SRGAP2C: variants seen among roughly 807,000 people sequenced by gnomAD.
The protein encoded by SRGAP2C is SLIT-ROBO Rho GTPase activating protein 2C.
A neutral mutation model predicts 25.1 loss-of-function variants in SRGAP2C; 15 were observed. That is an observed-to-expected ratio of 0.60 (90% CI 0.40 to 0.92). SRGAP2C has a LOEUF of 0.92. SRGAP2C is among the 40% of genes least tolerant of loss of function. SRGAP2C has a pLI of 0.00. For synonymous variants in SRGAP2C, 44 were observed against 96.6 expected, an observed-to-expected ratio of 0.46 and a Z score of 3.19; for missense variants, 144 against 264.4, an observed-to-expected ratio of 0.54 and a Z score of 3.16.
At chr1:121,222,472 T>C (rs757263343) in intron 2 of SRGAP2C, among the ~76,000 whole-genome samples, 7 of 151,906 alleles carry the variant, frequency 4.6e-5, no homozygotes, top group Non-Finnish European at 1.0e-4. Flanking sequence ...CTACAGATAA[T>C]TTAAAAATTA....
At chr1:121,186,645 C>A (rs1321995866) in intron 1 of SRGAP2C, among the ~76,000 whole-genome samples, 1 of 151,636 alleles carries the variant, frequency 6.6e-6, no homozygotes, top group African/African-American at 2.4e-5. Flanking sequence ...GCATTCCCCG[C>A]CCGGTGCCCC....
intron 3 of SRGAP2C, among the ~76,000 whole-genome samples, chr1:121,308,397 G>A (rs1322554630): frequency 4.6e-5 from 7 of 151,306 alleles, no homozygotes; most frequent in East Asian, 1.9e-4. Context: ...TGATTCTTTC[G>A]TTTAAAGTCT....
intron 3 of SRGAP2C, among the ~76,000 whole-genome samples, chr1:121,303,362 T>A (rs1657742164): frequency 6.9e-6 from 1 of 144,816 alleles, no homozygotes; most frequent in Non-Finnish European, 1.5e-5. Flanking sequence ...ATTTTAATGT[T>A]CATATTGTTC....
intron 3 of SRGAP2C, among the ~76,000 whole-genome samples, chr1:121,286,700 T>C (rs1366225422): frequency 6.6e-5 from 10 of 152,186 alleles, no homozygotes; most frequent in Non-Finnish European, 1.5e-4. Flanking sequence ...CACATTGACA[T>C]TTGGGAAATG....
At chr1:121,336,159 C>A (rs1658510997) in intron 4 of SRGAP2C, among the ~76,000 whole-genome samples, 1 of 152,174 alleles carries the variant, frequency 6.6e-6, no homozygotes, top group Non-Finnish European at 1.5e-5. Flanking sequence ...CAGTGGGCAG[C>A]ACCTAAGATG....
intron 2 of SRGAP2C, among the ~76,000 whole-genome samples, chr1:121,195,365 A>G (rs1654806327): frequency 6.7e-6 from 1 of 150,130 alleles, no homozygotes; most frequent in African/African-American, 2.4e-5. Context: ...AGCCGAGATC[A>G]TGCCACTGCA....
chr1:121,258,465 C>CTTT (rs1205329141), intron 2 of SRGAP2C, among the ~76,000 whole-genome samples: 2 of 125,740 alleles, frequency 1.6e-5, no homozygotes, highest in African/African-American at 7.8e-5. Flanking sequence ...ATCTATCACT[C>CTTT]TTTTTTTTTT....
intron 2 of SRGAP2C, among the ~76,000 whole-genome samples, chr1:121,281,325 T>C (rs1157579170): frequency 7.2e-5 from 11 of 151,892 alleles, no homozygotes; most frequent in Admixed American, 2.0e-4. Flanking sequence ...CTTCCTTTCT[T>C]CTTTTTCCTT....
At chr1:121,304,176 A>G (rs1197196615) in intron 3 of SRGAP2C, among the ~76,000 whole-genome samples, 1 of 139,300 alleles carries the variant, frequency 7.2e-6, no homozygotes, top group African/African-American at 2.7e-5. Context: ...GTGCCACTGC[A>G]CTCCAGCCTG....
intron 2 of SRGAP2C, among the ~76,000 whole-genome samples, chr1:121,255,127 A>AG (rs1256652121): frequency 6.6e-6 from 1 of 151,718 alleles, no homozygotes; most frequent in African/African-American, 2.4e-5. Context: ...AATAAGTGTC[A>AG]GAGAGGTCTG....
At chr1:121,368,389 A>T (rs1659397717) in intron 5 of SRGAP2C, among the ~76,000 whole-genome samples, 1 of 135,924 alleles carries the variant, frequency 7.4e-6, no homozygotes, top group Admixed American at 7.6e-5. Flanking sequence ...TGGGGGACAG[A>T]GCAAGACTCT....
chr1:121,367,022 G>C (rs1389205732), intron 5 of SRGAP2C, among the ~76,000 whole-genome samples: 1 of 146,922 alleles, frequency 6.8e-6, no homozygotes, highest in African/African-American at 2.5e-5. Flanking sequence ...GTCTGCAGAG[G>C]GCCGAGCTGC....
chr1:121,343,467 G>T (rs1412966454), intron 4 of SRGAP2C, among the ~76,000 whole-genome samples: 3 of 147,130 alleles, frequency 2.0e-5, no homozygotes, highest in Non-Finnish European at 4.5e-5. Context: ...CACTGGATGG[G>T]CTTCCTACCC....
intron 2 of SRGAP2C, among the ~76,000 whole-genome samples, chr1:121,230,730 G>A (rs587743617): frequency 4.6e-5 from 7 of 150,856 alleles, no homozygotes; most frequent in Non-Finnish European, 1.0e-4. Flanking sequence ...AAAGACACAT[G>A]CATACATATG....
chr1:121,265,130 C>G (rs1444321945), intron 2 of SRGAP2C, among the ~76,000 whole-genome samples: 4 of 123,222 alleles, frequency 3.2e-5, no homozygotes, highest in Non-Finnish European at 6.8e-5. Flanking sequence ...ACCCAGGAGG[C>G]AGAGGCCGCA....
At chr1:121,218,706 C>T (rs1398036485) in intron 2 of SRGAP2C, among the ~76,000 whole-genome samples, 2 of 151,580 alleles carry the variant, frequency 1.3e-5, no homozygotes, top group Admixed American at 1.3e-4. Flanking sequence ...GAGATCACAC[C>T]ACTGCACTCC....
intron 2 of SRGAP2C, among the ~76,000 whole-genome samples, chr1:121,268,489 G>A (rs1656861435): frequency 6.6e-6 from 1 of 150,736 alleles, no homozygotes; most frequent in African/African-American, 2.4e-5. Flanking sequence ...GTAGACTGCA[G>A]GGAAGCAAGG....
intron 4 of SRGAP2C, among the ~76,000 whole-genome samples, chr1:121,338,593 A>T (rs1658574973): frequency 1.5e-5 from 2 of 130,044 alleles, no homozygotes; most frequent in South Asian, 2.6e-4. Context: ...TGTTCTCTAC[A>T]AATCATTTGG....
At chr1:121,244,423 GT>G in intron 2 of SRGAP2C, among the ~76,000 whole-genome samples, 1 of 111,000 alleles carries the variant, frequency 9.0e-6, no homozygotes. Context: ...CCTACAGTTG[GT>G]TTAGTCCCCA....
Sources: allele counts gnomAD v4.1 joint callset (sites outside exome capture counted in the v4.1 genomes callset), GRCh38; gene constraint gnomAD v4.1.1; transcripts MANE v1.5; gene names NCBI Gene and HGNC (gene_info 2026-07-23, HGNC 2026-07-21).